The following SPTBN5 variants were observed in gnomAD, a reference collection of about 807,000 sequenced individuals.
SPTBN5 encodes spectrin beta, non-erythrocytic 5.
SPTBN5 carries 513 observed loss-of-function variants against 477.6 expected under a neutral mutation model. The observed-to-expected ratio is 1.07, with a 90% CI of 1.00 to 1.16. The LOEUF (loss-of-function observed/expected upper bound fraction) is 1.16. Ranked by LOEUF, SPTBN5 falls within the 50% of genes most tolerant of loss-of-function variation. The pLI is 0.00. For synonymous variants in SPTBN5, 2,169 were observed against 2,011.7 expected, an observed-to-expected ratio of 1.08 and a Z score of -2.09; for missense variants, 5,062 against 4,731.8, an observed-to-expected ratio of 1.07 and a Z score of -2.05.
rs61753573 is a variant in SPTBN5 at position 41,857,323 on chromosome 15, G to A, written c.8536C>T (p.Leu2846=). The A allele has an allele frequency of 1.0e-3, 1,582 of 1,568,564 alleles. 7 individuals are homozygous for A. In the Middle Eastern group the frequency reaches 0.01, roughly 10 times the overall value. Residue 2846 remains leucine (L), a synonymous_variant, in exon 51 of 68, where the codon CTG becomes TTG. Transcript: ENST00000320955. ...VDKKARQAEA[L]LGQAQAFVRE... The stretch of plus-strand genomic sequence containing the variant: ...ACAAAGGCCTGGGCCTGGCCCAGCA[G>A]TGCCTCAGCCTGCCTGGCCTTCTTG...
At chr15:41,868,699 C>G in intron 32 of SPTBN5, 98 bp from the exon 33 acceptor site, 1 of 1,311,528 alleles carries the variant, frequency 7.6e-7, no homozygotes, top group South Asian at 1.3e-5. Context: ...AGTCCACTCA[C>G]ACAGCCCGAG....
In SPTBN5 at chr15:41,850,842, C is replaced by T. The variant is rs763370270; in HGVS notation, c.10921+12G>A. ...TCGGCCGCCCTCCCCGCATCCTTCC[C>T]CTGAAGCCCACCTGCAGTGCTGCCC... On this transcript the variant is annotated intron_variant, in intron 66 of 67. Transcript: ENST00000320955. 7 of 1,585,608 alleles carry T rather than the reference C, an allele frequency of 4.4e-6. No homozygotes were observed. Among genetic ancestry groups the T allele is most frequent in the South Asian group, 1.2e-5 (1 of 86,580 alleles).
At chr15:41,864,928 G>A (rs2066246436) in intron 39 of SPTBN5, among the ~76,000 whole-genome samples, 1 of 152,246 alleles carries the variant, frequency 6.6e-6, no homozygotes, top group South Asian at 2.1e-4. Context: ...TTTTATAGAT[G>A]CCGGAGCAGA....
At chr15:41,878,287 GC>G (rs2066814394) in intron 17 of SPTBN5, 54 bp downstream of exon 17, 1 of 1,579,444 alleles carries the variant, frequency 6.3e-7, no homozygotes, top group African/African-American at 1.3e-5. Flanking sequence ...TGAACCCAGA[GC>G]CCAGAGCCCT....
At chr15:41,880,015 C>CA in intron 14 of SPTBN5, 145 bp downstream of exon 14, 2 of 1,413,942 alleles carry the variant, frequency 1.4e-6, no homozygotes, top group Non-Finnish European at 1.9e-6. Context: ...CCTTAAGGGC[C>CA]AGGAGGCCCT....
rs1282853402 is a variant in SPTBN5 at position 41,876,565 on chromosome 15, C to T, written c.3934G>A (p.Ala1312Thr). The T allele has an allele frequency of 2.5e-6, 4 of 1,601,808 alleles. No individual in the cohort carries two copies. In the Admixed American group the frequency reaches 6.9e-5, roughly 27 times the overall value. ...RSEQRRRQLL[A>T]SLQLQEWKQD... ...ACCCTCACCTGGAGCTGGAGGGAAG[C>T]CAGCAACTGCCTCCTCCTCTGCTCA... Residue 1312 changes from alanine (A) to threonine (T), a missense_variant, in exon 20 of 68, where the codon GCT becomes ACT. Physicochemically the swap from Ala to Thr is moderately conservative, Grantham distance 58. Transcript: ENST00000320955.
rs546749760 is a variant in SPTBN5, at chr15:41,865,832, G to T, written c.6894C>A (p.Arg2298=). 8 of 1,570,880 alleles carry T rather than the reference G, an allele frequency of 5.1e-6. No individual in the cohort carries two copies. The highest frequency in any genetic ancestry group is 1.2e-5 in the South Asian group (1 of 85,182). The change falls in exon 39 of 68, where the codon CGC becomes CGA. Residue 2298 remains arginine, a synonymous_variant. Coordinates refer to ENST00000320955, the MANE Select transcript of SPTBN5 (RefSeq NM_016642.4). The stretch of plus-strand genomic sequence containing the variant: ...CCCCGGCCGAGTTTCCTCGGAACTC[G>T]CGGAGCCGCCGTCGGAGCTGCAGGC... The part of the protein sequence containing the change: ...EHCLQLRRRL[R]EFRGNSAGDT...
In SPTBN5 at chr15:41,867,063, TG is replaced by T; in HGVS notation, c.6375del (p.Ile2126SerfsTer7). On this transcript the variant is annotated frameshift_variant, in exon 36 of 68. Coordinates refer to ENST00000320955, the MANE Select transcript of SPTBN5 (RefSeq NM_016642.4). LOFTEE classifies it high-confidence loss of function. ...ACTCTCATCCGGCGCTGCAGCAGGA[TG>T]GGAAGCCGGTCCCGCACCCGGGGGC... is the stretch of plus-strand genomic sequence containing the variant. ...LRRPRVRDRL[P>X]ILLQRRMRVK... 1 of 1,549,708 alleles carries T rather than the reference TG, an allele frequency of 6.5e-7. No homozygotes were observed. The highest frequency in any genetic ancestry group is 8.7e-7 in the Non-Finnish European group (1 of 1,147,904).
intron 41 of SPTBN5, among the ~76,000 whole-genome samples, chr15:41,863,257 C>T (rs1246814535): frequency 1.3e-5 from 2 of 152,234 alleles, no homozygotes; most frequent in Non-Finnish European, 2.9e-5. Flanking sequence ...CCAGGCATGC[C>T]CAGCACAGGC....
chr15:41,851,411 G>T, intron 63 of SPTBN5, 42 bp from the exon 64 acceptor site: 1 of 1,450,184 alleles, frequency 6.9e-7, no homozygotes. Flanking sequence ...CCACACGCAG[G>T]AAGCCAGAGC....
intron 17 of SPTBN5, 107 bp from the exon 18 acceptor site, chr15:41,877,463 T>G (rs1355825770): frequency 1.1e-5 from 16 of 1,432,730 alleles, no homozygotes; most frequent in Non-Finnish European, 1.4e-5. Flanking sequence ...AATGAGACAC[T>G]GAATGTGATA....
In SPTBN5 at chr15:41,850,986, C is replaced by T. The variant is rs572485801; in HGVS notation, c.10836-47G>A. The T allele has an allele frequency of 8.3e-5, 132 of 1,587,242 alleles. No individual in the cohort carries two copies. In the East Asian group the frequency reaches 2.8e-3, roughly 34 times the overall value. On this transcript the variant is annotated intron_variant, in intron 65 of 67. Coordinates refer to ENST00000320955, the MANE Select transcript of SPTBN5 (RefSeq NM_016642.4). ...CAAACTCCACTGTCCCTTTGGGGACCCCCACGCCTCCAGCCCCCGCTGAGC... is the reference window on the plus strand; with the variant it reads ...CAAACTCCACTGTCCCTTTGGGGACTCCCACGCCTCCAGCCCCCGCTGAGC...
rs1196308633 is a variant in SPTBN5 at position 41,858,079 on chromosome 15, C to T, written c.8227-369G>A. On this transcript the variant is annotated intron_variant, in intron 49 of 67. Coordinates refer to ENST00000320955, the MANE Select transcript of SPTBN5 (RefSeq NM_016642.4). ...TGGGAGGCTGAGGCAGGTGGATCGCCTGAGCTCAGGAGTTTAACACCAGCC... is the reference window on the plus strand; with the variant it reads ...TGGGAGGCTGAGGCAGGTGGATCGCTTGAGCTCAGGAGTTTAACACCAGCC... Among the ~76,000 whole-genome samples, 3 of 152,232 alleles carry T rather than the reference C, an allele frequency of 2.0e-5. No homozygotes were observed. The East Asian group carries it at 5.8e-4, about 29-fold the overall frequency.
rs760585429 is a variant in SPTBN5, at chr15:41,866,378, T to C, written c.6596A>G (p.Gln2199Arg). ...AGAGGTCATGACCTCCTCATGGGCC[T>C]GGACTTCAGCCTCAAAGGCCTGGTG... The part of the protein sequence containing the change: ...LKHQAFEAEV[Q>R]AHEEVMTSVA... Residue 2199 changes from glutamine (Q) to arginine (R), a missense_variant, in exon 37 of 68, where the codon CAG becomes CGG. By Grantham distance (43) the Gln-to-Arg change is conservative. Transcript: ENST00000320955. 3.7e-6 allele frequency: 6 copies of C among 1,610,950 alleles called. No homozygotes were observed. In the East Asian group the frequency reaches 6.7e-5, roughly 18 times the overall value.
Position 41,851,091 on chromosome 15 carries a change from GC to G in SPTBN5, c.10802del (p.Gly3601AlafsTer11). On this transcript the variant is annotated frameshift_variant, in exon 65 of 68. Coordinates refer to ENST00000320955, the MANE Select transcript of SPTBN5 (RefSeq NM_016642.4). LOFTEE classifies it high-confidence loss of function. ...AGAATGTGTGTTTCCTGCCGTGGCG[GC>G]CCCGCAGCCTCTCACACCGGGCTCC... ...LTGARCERLRGRHGRKHTFSL... is the reference protein window; with the variant it reads ...LTGARCERLRXRHGRKHTFSL... The G allele has an allele frequency of 6.2e-7, 1 of 1,613,010 alleles. No homozygotes were observed. The highest frequency in any genetic ancestry group is 1.1e-5 in the South Asian group (1 of 90,950).
At position 41,875,047 on chromosome 15, in the gene SPTBN5, C is replaced by G; in HGVS notation, c.4297G>C (p.Glu1433Gln). 6.2e-7 allele frequency: 1 copy of G among 1,610,772 alleles called. No homozygotes were observed. Among genetic ancestry groups the G allele is most frequent in the East Asian group, 2.2e-5 (1 of 44,760 alleles). The change falls in exon 23 of 68, where the codon GAG (glutamate) becomes CAG (glutamine). Residue 1433 changes from glutamate (E) to glutamine (Q), a missense_variant. Coordinates refer to ENST00000320955, the MANE Select transcript of SPTBN5 (RefSeq NM_016642.4). ...GCCCCTTCGAGCTGCTCCAGCTGCTCCTTTGCATCCTGGGAGGGACGCATG... is the reference window on the plus strand; with the variant it reads ...GCCCCTTCGAGCTGCTCCAGCTGCTGCTTTGCATCCTGGGAGGGACGCATG... Reference protein sequence around the residue: ...QLLRQLQDAKEQLEQLEGALQ... With the variant: ...QLLRQLQDAKQQLEQLEGALQ...
rs549532278 is a variant in SPTBN5 at position 41,859,617 on chromosome 15, G to A, written c.7989-637C>T. ...GCAACTGGGGCAGACACAAGCACAG[G>A]GGGACGATCTGCCTCCTGCAGGAGG... On this transcript the variant is annotated intron_variant, in intron 47 of 67. Coordinates refer to ENST00000320955, the MANE Select transcript of SPTBN5 (RefSeq NM_016642.4). 5.3e-5 allele frequency among the ~76,000 whole-genome samples: 8 copies of A among 152,310 alleles called. No homozygotes were observed. In the East Asian group the frequency reaches 1.4e-3, roughly 26 times the overall value.
intron 7 of SPTBN5, 37 bp downstream of exon 7, chr15:41,885,698 A>C: frequency 1.3e-6 from 2 of 1,532,352 alleles, no homozygotes; most frequent in Non-Finnish European, 1.8e-6. Context: ...GGACAGCCTC[A>C]GCCAGCTGTG....
intron 61 of SPTBN5, 117 bp from the exon 62 acceptor site, chr15:41,852,433 A>C (rs368424125): frequency 1.4e-6 from 2 of 1,398,310 alleles, no homozygotes; most frequent in South Asian, 2.8e-5. Flanking sequence ...CTGCCTCCCC[A>C]TCACTAGCTC....
Sources: gnomAD v4.1 joint callset for allele counts (sites outside exome capture counted in the v4.1 genomes callset) on GRCh38, gnomAD v4.1.1 for gene constraint, MANE v1.5 for transcripts, NCBI Gene and HGNC (gene_info 2026-07-23, HGNC 2026-07-21) for gene names.